Variants in SEMA5A observed in about 807,000 individuals in gnomAD.
The protein encoded by SEMA5A is semaphorin-5A.
A neutral mutation model predicts 135.5 loss-of-function variants in SEMA5A; 55 were observed. The observed-to-expected ratio is 0.41, with a 90% CI of 0.33 to 0.51. The LOEUF (loss-of-function observed/expected upper bound fraction) is 0.51, where lower values mean the gene tolerates loss of function less well. Ranked by LOEUF, SEMA5A falls within the 20% of genes least tolerant of loss-of-function variation. SEMA5A has a pLI of 0.37. For synonymous variants in SEMA5A, 580 were observed against 546.5 expected, an observed-to-expected ratio of 1.06 and a Z score of -0.85; for missense variants, 1,290 against 1,419.9, an observed-to-expected ratio of 0.91 and a Z score of 1.47.
intron 15 of SEMA5A, among the ~76,000 whole-genome samples, chr5:9,113,124 T>C (rs1018456380): frequency 3.9e-5 from 6 of 152,184 alleles, no homozygotes; most frequent in African/African-American, 1.4e-4. Flanking sequence ...AACCTGAAGC[T>C]GTGCCCAGAT....
intron 18 of SEMA5A, among the ~76,000 whole-genome samples, chr5:9,057,472 C>T (rs1736955537): frequency 6.6e-6 from 1 of 152,186 alleles, no homozygotes; most frequent in South Asian, 2.1e-4. Flanking sequence ...TGTATGTGAT[C>T]TAGTCTAATA....
intron 8 of SEMA5A, among the ~76,000 whole-genome samples, chr5:9,203,181 C>T (rs1745816175): frequency 6.6e-6 from 1 of 152,162 alleles, no homozygotes; most frequent in Non-Finnish European, 1.5e-5. Context: ...ACTCTAATCA[C>T]AAGGTTTTAT....
intron 11 of SEMA5A, among the ~76,000 whole-genome samples, chr5:9,186,270 C>A (rs1351483924): frequency 1.3e-5 from 2 of 152,184 alleles, no homozygotes; most frequent in Non-Finnish European, 2.9e-5. Context: ...ACTGCTGACT[C>A]AGCATAGTGG....
intron 15 of SEMA5A, among the ~76,000 whole-genome samples, chr5:9,109,418 G>A (rs766985862): frequency 2.5e-4 from 38 of 152,208 alleles, no homozygotes; most frequent in Non-Finnish European, 4.4e-4. Flanking sequence ...AAAGGAAACA[G>A]CCTGGCATTC....
intron 12 of SEMA5A, among the ~76,000 whole-genome samples, chr5:9,152,905 C>A (rs1292226770): frequency 6.6e-6 from 1 of 152,030 alleles, no homozygotes; most frequent in Non-Finnish European, 1.5e-5. Flanking sequence ...AACCCTGTCT[C>A]TACTAAAAAT....
chr5:9,336,423 C>A (rs892569181), intron 4 of SEMA5A, among the ~76,000 whole-genome samples: 7 of 151,978 alleles, frequency 4.6e-5, no homozygotes, highest in Non-Finnish European at 1.0e-4. Flanking sequence ...CATCTGGAGG[C>A]CAGGAGACTG....
At chr5:9,439,831 CAGGA>C (rs1394305700) in intron 1 of SEMA5A, among the ~76,000 whole-genome samples, 1 of 152,244 alleles carries the variant, frequency 6.6e-6, no homozygotes, top group Admixed American at 6.5e-5. Context: ...GCAATACCCA[CAGGA>C]CAGAGCTCTC....
intron 1 of SEMA5A, among the ~76,000 whole-genome samples, chr5:9,450,597 T>C (rs922906627): frequency 1.3e-5 from 2 of 152,000 alleles, no homozygotes; most frequent in Non-Finnish European, 2.9e-5. Context: ...TACACCCCTC[T>C]CCACTCACCC....
chr5:9,126,963 C>T (rs1218332685), intron 13 of SEMA5A, among the ~76,000 whole-genome samples: 1 of 152,182 alleles, frequency 6.6e-6, no homozygotes, highest in African/African-American at 2.4e-5. Context: ...CAGGTCATTG[C>T]TCATGCCTAT....
intron 3 of SEMA5A, among the ~76,000 whole-genome samples, chr5:9,374,622 CGTGTGTGT>C (rs3086524): frequency 1.1e-3 from 160 of 147,244 alleles, no homozygotes; most frequent in African/African-American, 1.3e-3. Flanking sequence ...CACAAGACAT[CGTGTGTGT>C]GTGTGTGTGT....
intron 5 of SEMA5A, among the ~76,000 whole-genome samples, chr5:9,274,094 CA>C (rs1750128933): frequency 6.6e-6 from 1 of 152,056 alleles, no homozygotes; most frequent in Admixed American, 6.5e-5. Context: ...TCAGGAGACC[CA>C]TCTCATGTGC....
chr5:9,096,905 C>T (rs1004882002), intron 16 of SEMA5A, among the ~76,000 whole-genome samples: 2 of 151,974 alleles, frequency 1.3e-5, no homozygotes, highest in African/African-American at 4.8e-5. Context: ...TCACCTTACG[C>T]CTGTTAGGAC....
Position 9,470,684 on chromosome 5 carries a change from C to A in SEMA5A, c.-174-32832G>T, listed in dbSNP as rs1375285840. 3.3e-5 allele frequency among the ~76,000 whole-genome samples: 5 copies of A among 152,146 alleles called. No homozygotes were observed. In the East Asian group the frequency reaches 9.6e-4, roughly 29 times the overall value. On this transcript the variant is annotated intron_variant, in intron 1 of 22. Coordinates refer to ENST00000382496, the MANE Select transcript of SEMA5A (RefSeq NM_003966.3). ...GAAAGCCTTCCCAGGGTCAATGGAC[C>A]ATATGCCATGTTCTCTTATTTCCCT...
intron 3 of SEMA5A, among the ~76,000 whole-genome samples, chr5:9,341,481 G>A (rs1753650504): frequency 6.6e-6 from 1 of 151,820 alleles, no homozygotes; most frequent in South Asian, 2.1e-4. Context: ...GAGGGAGCAG[G>A]AGGGGGTCCA....
chr5:9,118,827 T>A (rs1244921436), intron 15 of SEMA5A, among the ~76,000 whole-genome samples, 171 bp downstream of exon 15: 1 of 152,074 alleles, frequency 6.6e-6, no homozygotes, highest in Admixed American at 6.5e-5. Flanking sequence ...TCGACGAGGC[T>A]TTGATCAAAA....
At chr5:9,383,686 C>T (rs908052429) in intron 2 of SEMA5A, among the ~76,000 whole-genome samples, 6 of 152,176 alleles carry the variant, frequency 3.9e-5, no homozygotes, top group Admixed American at 2.6e-4. Flanking sequence ...AGTTTTTCAA[C>T]GTGCACATCT....
rs558167931 is a variant in SEMA5A, at chr5:9,159,866, G to A, written c.1274-5171C>T. ...GTACATATACACCATGGAATACTAC[G>A]CAGCCATAAAAAGCAATAAGATCAC... On this transcript the variant is annotated intron_variant, in intron 11 of 22. Coordinates refer to ENST00000382496, the MANE Select transcript of SEMA5A (RefSeq NM_003966.3). Among the ~76,000 whole-genome samples the A allele has an allele frequency of 8.5e-4, 130 of 152,184 alleles. No homozygotes were observed. The South Asian group carries it at 9.1e-3, about 11-fold the overall frequency.
intron 11 of SEMA5A, among the ~76,000 whole-genome samples, chr5:9,162,091 G>C (rs1446808489): frequency 6.6e-6 from 1 of 152,138 alleles, no homozygotes; most frequent in South Asian, 2.1e-4. Context: ...CATTAGAAAA[G>C]GTTATTTCTG....
intron 3 of SEMA5A, among the ~76,000 whole-genome samples, chr5:9,365,228 C>G (rs1754863364): frequency 1.3e-5 from 2 of 152,162 alleles, no homozygotes; most frequent in East Asian, 3.9e-4. Flanking sequence ...ACAACCAGGG[C>G]TGGAGCAAGG....
Sources: gnomAD v4.1 joint callset for allele counts (sites outside exome capture counted in the v4.1 genomes callset) on GRCh38, gnomAD v4.1.1 for gene constraint, MANE v1.5 for transcripts, NCBI Gene and HGNC (gene_info 2026-07-23, HGNC 2026-07-21) for gene names.